CNGA1: variants seen among roughly 807,000 people sequenced by gnomAD.
CNGA1 encodes the protein cyclic nucleotide gated channel subunit alpha 1, also known as cyclic nucleotide-gated channel alpha-1.
CNGA1 carries 53 observed loss-of-function variants against 69.7 expected under a neutral mutation model. The ratio of observed to expected loss-of-function variants is 0.76; its 90% CI spans 0.61 to 0.96. The LOEUF is 0.96. Ranked by LOEUF, CNGA1 falls within the 40% of genes least tolerant of loss-of-function variation. The pLI, the probability that CNGA1 is intolerant of heterozygous loss-of-function variation, is 0.00. For missense variants in CNGA1, 739 were observed against 811.2 expected (o/e 0.91, Z 1.08); for synonymous variants, 249 against 283.5 (o/e 0.88, Z 1.22).
At chr4:47,959,892 C>T (rs1259349301) in intron 3 of CNGA1, among the ~76,000 whole-genome samples, 1 of 152,092 alleles carries the variant, frequency 6.6e-6, no homozygotes, top group African/African-American at 2.4e-5. Context: ...AGTTGTGAGC[C>T]ACCACGTCCA....
chr4:47,952,707 A>C lies in CNGA1; in HGVS notation c.-14-4T>G. 1 of 1,567,690 alleles carries C rather than the reference A, an allele frequency of 6.4e-7. No homozygotes were observed. Among genetic ancestry groups the C allele is most frequent in the Non-Finnish European group, 8.7e-7 (1 of 1,155,410 alleles). On this transcript the variant is annotated splice_polypyrimidine_tract_variant and splice_region_variant and intron_variant, in intron 3 of 10. Transcript: ENST00000514170. ...TTCTTCATGGATAGTTTCATATCTG[A>C]GGAGAAAGAAGTCTTATTAGTGGAA...
In CNGA1 at chr4:47,952,623, T is replaced by C. The variant is rs1398996857; in HGVS notation, c.67A>G (p.Ile23Val). 6.2e-7 allele frequency: 1 copy of C among 1,611,202 alleles called. No homozygotes were observed. The change falls in exon 4 of 11, where the codon ATT (isoleucine) becomes GTT (valine). Residue 23 changes from isoleucine (I) to valine (V), a missense_variant. Ile to Val is a conservative substitution (Grantham distance 29, BLOSUM62 3). Transcript: ENST00000514170. Reference protein sequence around the residue: ...VTMPNVIVPDIEKEIRRMENG... With the variant: ...VTMPNVIVPDVEKEIRRMENG... ...TCCATCCTTCGTATTTCCTTTTCAA[T>C]ATCTGGTACAATCACATTGGGCATG...
At chr4:47,962,912 A>G (rs1018767509) in intron 3 of CNGA1, among the ~76,000 whole-genome samples, 2 of 152,204 alleles carry the variant, frequency 1.3e-5, no homozygotes, top group Admixed American at 6.5e-5. Context: ...ACACTAATTT[A>G]GTGTCTTGAC....
In CNGA1 at chr4:47,937,002, G is replaced by C; in HGVS notation, c.1480C>G (p.Gln494Glu). 5.0e-6 allele frequency: 8 copies of C among 1,614,066 alleles called. No homozygotes were observed. The highest frequency in any genetic ancestry group is 6.8e-6 in the Non-Finnish European group (8 of 1,180,014). The change falls in exon 11 of 11, where the codon CAA becomes GAA. Residue 494 changes from glutamine to glutamate, a missense_variant. Coordinates refer to ENST00000514170, the MANE Select transcript of CNGA1 (RefSeq NM_001379270.1). ...LVELVLKLQPQVYSPGDYICK... is the reference protein window; with the variant it reads ...LVELVLKLQPEVYSPGDYICK... The stretch of plus-strand genomic sequence containing the variant: ...ATATAATCTCCAGGACTGTAGACTT[G>C]GGGTTGCAATTTCAAGACCAACTCC...
chr4:47,959,471 ATTAAT>A (rs1163717881), intron 3 of CNGA1, among the ~76,000 whole-genome samples: 1 of 152,194 alleles, frequency 6.6e-6, no homozygotes, highest in African/African-American at 2.4e-5. Context: ...CACCACAAAA[ATTAAT>A]TCAATATGGA....
chr4:48,011,312 T>TA (rs552549933), intron 1 of CNGA1, among the ~76,000 whole-genome samples: 15,263 of 118,774 alleles, frequency 0.13, 1,214 homozygotes, highest in East Asian at 0.34. Flanking sequence ...AAAAAATTAC[T>TA]AAAAAAAAAA....
At chr4:48,003,022 T>C (rs1714732537) in intron 2 of CNGA1, among the ~76,000 whole-genome samples, 1 of 152,206 alleles carries the variant, frequency 6.6e-6, no homozygotes, top group Non-Finnish European at 1.5e-5. Context: ...ATTTACAAAA[T>C]TTATTTTGCC....
At chr4:47,943,716 G>C (rs114252627) in intron 6 of CNGA1, among the ~76,000 whole-genome samples, 4,211 of 152,226 alleles carry the variant, frequency 0.028, 99 homozygotes, top group Admixed American at 0.044. Context: ...AGTGTTCTTC[G>C]AAAGTGTTAA....
At chr4:47,979,961 T>C (rs1327823942) in intron 3 of CNGA1, among the ~76,000 whole-genome samples, 1 of 152,236 alleles carries the variant, frequency 6.6e-6, no homozygotes, top group Non-Finnish European at 1.5e-5. Flanking sequence ...CCTCATTAAT[T>C]TCTAACTTTG....
intron 1 of CNGA1, among the ~76,000 whole-genome samples, chr4:48,015,727 C>T (rs1486994174): frequency 6.6e-6 from 1 of 152,138 alleles, no homozygotes; most frequent in Non-Finnish European, 1.5e-5. Context: ...CCACCTCAGC[C>T]TCCTGAGTAG....
intron 1 of CNGA1, among the ~76,000 whole-genome samples, chr4:48,015,790 G>A (rs1364181200): frequency 6.6e-6 from 1 of 152,088 alleles, no homozygotes; most frequent in Non-Finnish European, 1.5e-5. Context: ...TAGAGACAGG[G>A]TTTCACCATG....
chr4:47,997,407 C>A (rs147530292), intron 2 of CNGA1, among the ~76,000 whole-genome samples: 38 of 152,208 alleles, frequency 2.5e-4, no homozygotes, highest in Non-Finnish European at 5.1e-4. Context: ...GAAAAACAAA[C>A]CTTCATAACC....
At position 47,951,130 on chromosome 4, in the gene CNGA1, T is replaced by C. The variant is rs3762858; in HGVS notation, c.224+223A>G. Among the ~76,000 whole-genome samples the C allele has an allele frequency of 0.85, 129,619 of 152,272 alleles. 55,525 individuals carry two copies. Among genetic ancestry groups the C allele is most frequent in the East Asian group, 0.98 (5,077 of 5,188 alleles). On this transcript the variant is annotated intron_variant, in intron 5 of 10. Coordinates refer to ENST00000514170, the MANE Select transcript of CNGA1 (RefSeq NM_001379270.1). ...AGTAATTCCTCCTGAGATCCCACAT[T>C]GTGTGTAGATAGCAGAGGCATTTGC...
chr4:47,940,972 C>T, intron 9 of CNGA1, 103 bp from the exon 10 acceptor site: 1 of 760,342 alleles, frequency 1.3e-6, no homozygotes, highest in Admixed American at 2.2e-5. Flanking sequence ...AAGCACAGCA[C>T]ACTCAGGCTA....
At chr4:47,948,612 C>A (rs1369311139) in intron 6 of CNGA1, among the ~76,000 whole-genome samples, 1 of 152,144 alleles carries the variant, frequency 6.6e-6, no homozygotes, top group African/African-American at 2.4e-5. Context: ...TCCCCTCATG[C>A]CCAACAGGCA....
intron 2 of CNGA1, among the ~76,000 whole-genome samples, chr4:48,002,661 G>A (rs369140064): frequency 1.4e-5 from 2 of 147,872 alleles, no homozygotes; most frequent in East Asian, 3.9e-4. Flanking sequence ...TGGTCCAGGT[G>A]GAGCCGTGGG....
At chr4:47,962,401 A>T (rs763079440) in intron 3 of CNGA1, among the ~76,000 whole-genome samples, 2 of 142,758 alleles carry the variant, frequency 1.4e-5, no homozygotes. Context: ...TACCAGGTTG[A>T]ATAAATATAT....
At position 48,007,685 on chromosome 4, in the gene CNGA1, A is replaced by T. The variant is rs529699904; in HGVS notation, c.-123+3109T>A. ...ACCTTAACTTAAAAAAAAAAATTTA[A>T]TCTCAGTTTTTTTCCTAAGCAAATC... On this transcript the variant is annotated intron_variant, in intron 2 of 10. Coordinates refer to ENST00000514170, the MANE Select transcript of CNGA1 (RefSeq NM_001379270.1). 9.9e-5 allele frequency among the ~76,000 whole-genome samples: 15 copies of T among 152,124 alleles called. No individual in the cohort carries two copies. The East Asian group carries it at 2.5e-3, about 25-fold the overall frequency.
At position 47,981,444 on chromosome 4, in the gene CNGA1, G is replaced by C. The variant is rs1290547636; in HGVS notation, c.-66C>G. On this transcript the variant is annotated 5_prime_UTR_variant, in exon 3 of 11. Coordinates refer to ENST00000514170, the MANE Select transcript of CNGA1 (RefSeq NM_001379270.1). ...TGTCTTCTAGAAGTGGACGTCACTG[G>C]TGTATCCAAACAAACAGGGATATAC... 1 of 152,142 alleles carries C rather than the reference G, an allele frequency of 6.6e-6. No homozygotes were observed. The highest frequency in any genetic ancestry group is 1.5e-5 in the Non-Finnish European group (1 of 68,022). 9.4% of individuals were successfully genotyped at this position (152,142 alleles called of 1,614,324 possible).
Sources: gnomAD v4.1 joint callset for allele counts (sites outside exome capture counted in the v4.1 genomes callset) on GRCh38, gnomAD v4.1.1 for gene constraint, MANE v1.5 for transcripts, NCBI Gene and HGNC (gene_info 2026-07-23, HGNC 2026-07-21) for gene names.